Variants in NF1 observed in about 807,000 individuals in gnomAD.
NF1 encodes the protein neurofibromin 1.
Under a neutral mutation model 325.7 loss-of-function variants are expected in NF1, and 122 were observed. The ratio of observed to expected loss-of-function variants is 0.37; its 90% CI spans 0.32 to 0.44. The LOEUF (loss-of-function observed/expected upper bound fraction) is 0.44, where lower values mean the gene tolerates loss of function less well. Among genes scored for constraint, NF1 ranks in the 20% least tolerant of loss-of-function variants. The pLI is 1.00. For missense variants in NF1, 2,140 were observed against 3,415.4 expected, an observed-to-expected ratio of 0.63 and a Z score of 9.31; for synonymous variants, 1,091 against 1,186.0, an observed-to-expected ratio of 0.92 and a Z score of 1.65.
intron 29 of NF1, among the ~76,000 whole-genome samples, chr17:31,242,296 A>G (rs1597728438): frequency 7.1e-6 from 1 of 141,778 alleles, no homozygotes; most frequent in Non-Finnish European, 1.5e-5. Flanking sequence ...CCTAGGTTTC[A>G]TAAGTTCTCT....
chr17:31,341,725 GTATA>G (rs940106139), intron 47 of NF1, among the ~76,000 whole-genome samples: 7 of 151,472 alleles, frequency 4.6e-5, no homozygotes, highest in African/African-American at 1.7e-4. Flanking sequence ...ATGTGTGTGT[GTATA>G]TATATATGAA....
chr17:31,252,814 T>C (rs1294526203), intron 30 of NF1, 124 bp from the exon 31 acceptor site: 14 of 755,374 alleles, frequency 1.9e-5, no homozygotes, highest in Non-Finnish European at 2.9e-5. Flanking sequence ...AGTTGATTTC[T>C]AATTTTTTGT....
intron 27 of NF1, among the ~76,000 whole-genome samples, chr17:31,233,560 CCT>C (rs1451076207): frequency 9.2e-5 from 14 of 152,144 alleles, no homozygotes; most frequent in African/African-American, 3.4e-4. Flanking sequence ...CTGTTTACTA[CCT>C]CCAGTTTGCT....
rs2151553436 is a variant in NF1, at chr17:31,336,420, G to A, written c.6094G>A (p.Ala2032Thr). Residue 2032 changes from alanine (A) to threonine (T), a missense_variant, in exon 41 of 58, where the codon GCA becomes ACA. Transcript: ENST00000358273. This position sits in a 1 kb window ranked among gnomAD's most constrained non-coding sequence, Gnocchi z 5.5. Reference protein sequence around the residue: ...GLGSIKAEVMADTAVALASGN... With the variant: ...GLGSIKAEVMTDTAVALASGN... ...GGGATCAATAAAAGCTGAGGTGATG[G>A]CAGATACTGCTGTAGCTTTGGCTTC... 3 of 1,614,050 alleles carry A rather than the reference G, an allele frequency of 1.9e-6. No individual in the cohort carries two copies. The highest frequency in any genetic ancestry group is 2.5e-6 in the Non-Finnish European group (3 of 1,179,986).
chr17:31,102,347 C>CTTA (rs35244650), intron 1 of NF1, among the ~76,000 whole-genome samples: 2,610 of 151,496 alleles, frequency 0.017, 92 homozygotes, highest in African/African-American at 0.06. Context: ...TTCTTTATAG[C>CTTA]TTATTATTAT....
chr17:31,125,575 C>T (rs970864626), intron 1 of NF1, among the ~76,000 whole-genome samples: 1 of 151,710 alleles, frequency 6.6e-6, no homozygotes, highest in African/African-American at 2.4e-5. Flanking sequence ...TCTCTCTTCT[C>T]CCCCAGGCTG....
chr17:31,137,929 T>A (rs562023545), intron 1 of NF1: 1 of 152,296 alleles, frequency 6.6e-6, no homozygotes, highest in African/African-American at 2.4e-5. Context: ...CCATTCTGGT[T>A]TCTGTTACGT....
intron 1 of NF1, among the ~76,000 whole-genome samples, chr17:31,117,886 G>A (rs1914093190): frequency 6.6e-6 from 1 of 151,840 alleles, no homozygotes; most frequent in Admixed American, 6.6e-5. Context: ...GTATTTTTAG[G>A]TATTCTTTGG....
chr17:31,111,836 G>C (rs1913444141), intron 1 of NF1, among the ~76,000 whole-genome samples: 1 of 152,162 alleles, frequency 6.6e-6, no homozygotes, highest in Non-Finnish European at 1.5e-5. Context: ...TCGGGTAAGT[G>C]TGTGAGTAAA....
chr17:31,251,708 G>T, intron 30 of NF1: 1 of 200,230 alleles, frequency 5.0e-6, no homozygotes, highest in Non-Finnish European at 1.0e-5. Flanking sequence ...ATATACCACT[G>T]TTACTAATAC....
intron 10 of NF1, 95 bp from the exon 11 acceptor site, chr17:31,201,316 T>G: frequency 6.8e-7 from 1 of 1,469,416 alleles, no homozygotes; most frequent in Non-Finnish European, 9.4e-7. Context: ...TGTTTTTTTT[T>G]TAAACTTTCT....
At chr17:31,166,343 A>G (rs2065844439) in intron 4 of NF1, among the ~76,000 whole-genome samples, 1 of 151,956 alleles carries the variant, frequency 6.6e-6, no homozygotes, top group African/African-American at 2.4e-5. Flanking sequence ...GTATTGTTTA[A>G]TATTGATTTG....
At chr17:31,240,086 C>CA (rs1258369337) in intron 29 of NF1, among the ~76,000 whole-genome samples, 1 of 152,094 alleles carries the variant, frequency 6.6e-6, no homozygotes, top group Non-Finnish European at 1.5e-5. Context: ...ATGTTACATA[C>CA]AATCCAATTA....
intron 36 of NF1, among the ~76,000 whole-genome samples, chr17:31,310,145 G>GTACC (rs747315808): frequency 3.9e-4 from 60 of 152,264 alleles, no homozygotes; most frequent in Middle Eastern, 3.4e-3. Flanking sequence ...TAAGTGGTGT[G>GTACC]TACCTGAAGT....
chr17:31,160,241 A>G (rs1000881221), intron 3 of NF1, among the ~76,000 whole-genome samples: 4 of 151,930 alleles, frequency 2.6e-5, no homozygotes, highest in African/African-American at 9.7e-5. Context: ...ATGTACCACC[A>G]TGCTCAGCTA....
At position 31,319,281 on chromosome 17, in the gene NF1, A is replaced by G. The variant is rs185092963; in HGVS notation, c.4836-6539A>G. 9.9e-5 allele frequency among the ~76,000 whole-genome samples: 15 copies of G among 152,138 alleles called. No individual in the cohort carries two copies. In the East Asian group the frequency reaches 2.7e-3, roughly 27 times the overall value. On this transcript the variant is annotated intron_variant, in intron 36 of 57. Transcript: ENST00000358273. ...AAATATTAATCATTTTAAGTGGACT[A>G]TCATGGCTTTATATAGTTTTCTTCC...
At chr17:31,349,341 G>A (rs1490464006) in intron 49 of NF1, 90 bp downstream of exon 49, 8 of 1,356,200 alleles carry the variant, frequency 5.9e-6, no homozygotes, top group Non-Finnish European at 8.1e-6. Context: ...TTTTTTGGCG[G>A]TTGCGTGGCA....
rs776405194 is a variant in NF1, at chr17:31,122,208, T to G, written c.60+26839T>G. Among the ~76,000 whole-genome samples the G allele has an allele frequency of 3.0e-4, 46 of 152,146 alleles. 1 individual carries two copies. Among genetic ancestry groups the G allele is most frequent in the Non-Finnish European group, 6.3e-4 (43 of 68,022 alleles). ...ATGATCTGAGCCAGGGTACTCATTA[T>G]AGGAAATTAGGGGCAACCTTGTCAT... On this transcript the variant is annotated intron_variant, in intron 1 of 57. Transcript: ENST00000358273.
rs549411963 is a variant in NF1, at chr17:31,111,892, C to A, written c.60+16523C>A. On this transcript the variant is annotated intron_variant, in intron 1 of 57. Coordinates refer to ENST00000358273, the MANE Select transcript of NF1 (RefSeq NM_001042492.3). ...TTGTTTTTATTGCTGTTTTTAGGAA[C>A]TTTATTGCTTTTTGCTATTCTAGAA... 2.2e-3 allele frequency among the ~76,000 whole-genome samples: 337 copies of A among 152,144 alleles called. 1 individual carries two copies. The highest frequency in any genetic ancestry group is 0.01 in the Middle Eastern group (3 of 294).
Sources: gnomAD v4.1 joint callset for allele counts (sites outside exome capture counted in the v4.1 genomes callset) on GRCh38, gnomAD v4.1.1 for gene constraint, Gnocchi (gnomAD v3.1) non-coding constraint, MANE v1.5 for transcripts, NCBI Gene and HGNC (gene_info 2026-07-23, HGNC 2026-07-21) for gene names.